PLB1: variants seen among roughly 807,000 people sequenced by gnomAD.
PLB1 encodes phospholipase B1, membrane-associated.
Under a neutral mutation model 227.4 loss-of-function variants are expected in PLB1, and 242 were observed. That is an observed-to-expected ratio of 1.06 (90% CI 0.96 to 1.18). The LOEUF is 1.18. PLB1 is among the 50% of genes most tolerant of loss of function. PLB1 has a pLI of 0.00. For missense variants in PLB1, 1,858 were observed against 1,816.3 expected, an observed-to-expected ratio of 1.02 and a Z score of -0.42; for synonymous variants, 757 against 682.2, an observed-to-expected ratio of 1.11 and a Z score of -1.71.
At position 28,643,639 on chromosome 2, in the gene PLB1, G is replaced by GTGAT. The variant is rs763498704; in HGVS notation, c.*579_*582dup. 4 of 152,278 alleles carry GTGAT rather than the reference G, an allele frequency of 2.6e-5. No individual in the cohort carries two copies. The highest frequency in any genetic ancestry group is 4.4e-5 in the Non-Finnish European group (3 of 68,074). 9.4% of individuals were successfully genotyped at this position (152,278 alleles called of 1,614,324 possible). ...ACTCCTTCAATAACCAAGAAGCCAC[G>GTGAT]TGATGATGTGTAACTACTAGGGCAT... On this transcript the variant is annotated 3_prime_UTR_variant, in exon 58 of 58. Coordinates refer to ENST00000327757, the MANE Select transcript of PLB1 (RefSeq NM_153021.5).
chr2:28,565,668 T>C (rs1397868898), intron 19 of PLB1, among the ~76,000 whole-genome samples: 6 of 152,192 alleles, frequency 3.9e-5, no homozygotes, highest in African/African-American at 1.2e-4. Context: ...GCCTGAGTGA[T>C]GCACAGATCA....
chr2:28,505,630 A>G (rs927323796), intron 1 of PLB1, among the ~76,000 whole-genome samples: 1 of 152,250 alleles, frequency 6.6e-6, no homozygotes, highest in Non-Finnish European at 1.5e-5. Flanking sequence ...ATACCTTTTC[A>G]TTACTAAAAC....
intron 25 of PLB1, chr2:28,585,477 A>G: frequency 3.2e-6 from 1 of 317,126 alleles, no homozygotes; most frequent in Non-Finnish European, 6.1e-6. Flanking sequence ...GGGTTTCGCT[A>G]TGTCAGCCAG....
chr2:28,500,479 ACTT>A (rs1209887814), intron 1 of PLB1, among the ~76,000 whole-genome samples: 2 of 152,136 alleles, frequency 1.3e-5, no homozygotes, highest in East Asian at 1.9e-4. Flanking sequence ...ATCCATTGAT[ACTT>A]CTTGCCTAAA....
chr2:28,546,901 C>A (rs192118659), intron 14 of PLB1, among the ~76,000 whole-genome samples: 42 of 152,052 alleles, frequency 2.8e-4, no homozygotes, highest in Non-Finnish European at 4.7e-4. Flanking sequence ...GGATTAAATT[C>A]TTGAAAGGTT....
intron 1 of PLB1, among the ~76,000 whole-genome samples, chr2:28,510,641 T>TTTG: frequency 6.7e-6 from 1 of 148,812 alleles, no homozygotes; most frequent in East Asian, 2.0e-4. Flanking sequence ...TTTTTTTTTT[T>TTTG]GAGATGGAGT....
intron 1 of PLB1, among the ~76,000 whole-genome samples, chr2:28,500,326 A>G (rs532657759): frequency 2.0e-4 from 30 of 152,222 alleles, no homozygotes; most frequent in Non-Finnish European, 3.7e-4. Context: ...CTAGTTGGTG[A>G]TGCCAAATTT....
At chr2:28,638,785 A>G (rs1476276007) in intron 56 of PLB1, among the ~76,000 whole-genome samples, 1 of 150,218 alleles carries the variant, frequency 6.7e-6, no homozygotes, top group Admixed American at 6.6e-5. Flanking sequence ...GTATCAGGAT[A>G]CAGAAGTTTG....
At chr2:28,619,519 GTTTT>G (rs112831277) in intron 46 of PLB1, among the ~76,000 whole-genome samples, 21,540 of 124,552 alleles carry the variant, frequency 0.17, 2,066 homozygotes, top group East Asian at 0.51. Context: ...AAATTTCAAG[GTTTT>G]GTTTTTTTTT....
At chr2:28,522,174 G>A (rs1170177936) in intron 4 of PLB1, among the ~76,000 whole-genome samples, 1 of 151,878 alleles carries the variant, frequency 6.6e-6, no homozygotes, top group Non-Finnish European at 1.5e-5. Flanking sequence ...TTGAGCACTG[G>A]ATGAAGCTGG....
chr2:28,566,655 C>A, intron 19 of PLB1, 141 bp from the exon 20 acceptor site: 3 of 875,404 alleles, frequency 3.4e-6, no homozygotes, highest in Admixed American at 2.1e-5. Flanking sequence ...TTCCGTTTTT[C>A]TACTGAAGTG....
rs560466891 is a variant in PLB1, at chr2:28,555,321, T to C, written c.1147+2330T>C. Among the ~76,000 whole-genome samples the C allele has an allele frequency of 2.9e-4, 44 of 152,248 alleles. No individual in the cohort carries two copies. In the South Asian group the frequency reaches 8.9e-3, roughly 31 times the overall value. Reference sequence around the variant, plus strand: ...CATGCCCAGCTAATTTTTGTATTTTTTGTAGAGACAGGGTTTCGCCATGTT... The same window carrying C: ...CATGCCCAGCTAATTTTTGTATTTTCTGTAGAGACAGGGTTTCGCCATGTT... On this transcript the variant is annotated intron_variant, in intron 17 of 57. Coordinates refer to ENST00000327757, the MANE Select transcript of PLB1 (RefSeq NM_153021.5).
chr2:28,597,331 G>A (rs1401452421), intron 33 of PLB1, among the ~76,000 whole-genome samples: 1 of 150,490 alleles, frequency 6.6e-6, no homozygotes, highest in Non-Finnish European at 1.5e-5. Flanking sequence ...AAGAGACACA[G>A]AAGAAAAAGA....
chr2:28,630,363 C>G (rs997196901), intron 53 of PLB1, among the ~76,000 whole-genome samples: 1 of 152,202 alleles, frequency 6.6e-6, no homozygotes, highest in Non-Finnish European at 1.5e-5. Context: ...CAATCATCCT[C>G]TGGACCTCAG....
At chr2:28,633,343 A>G (rs1328610027) in intron 56 of PLB1, 2 of 379,096 alleles carry the variant, frequency 5.3e-6, no homozygotes, top group Non-Finnish European at 9.7e-6. Flanking sequence ...GAAAATACCA[A>G]CTTCTACCTC....
Position 28,589,345 on chromosome 2 carries a change from C to T in PLB1, c.1816-105C>T, listed in dbSNP as rs1681467177. The T allele has an allele frequency of 4.7e-6, 4 of 843,676 alleles. No homozygotes were observed. The East Asian group carries it at 1.0e-4, about 21-fold the overall frequency. 52.3% of individuals were successfully genotyped at this position (843,676 alleles called of 1,614,324 possible). On this transcript the variant is annotated intron_variant, in intron 26 of 57. Coordinates refer to ENST00000327757, the MANE Select transcript of PLB1 (RefSeq NM_153021.5). ...GATTTTGCACCAGGTTGATTTCACTCAACAGTCAGATTCTGTTTAATTCTG... is the reference window on the plus strand; with the variant it reads ...GATTTTGCACCAGGTTGATTTCACTTAACAGTCAGATTCTGTTTAATTCTG...
chr2:28,636,029 ATGTG>A lies in PLB1; in HGVS notation c.4098+3000_4098+3003del, dbSNP rs1216850755. ...TGTATGTATGTATGAATGTGTGTGT[ATGTG>A]TGTGTGTGTATGTATGTGTATGTGT... On this transcript the variant is annotated intron_variant, in intron 56 of 57. Transcript: ENST00000327757. Among the ~76,000 whole-genome samples the A allele has an allele frequency of 3.8e-4, 31 of 81,340 alleles. No homozygotes were observed. The South Asian group carries it at 0.011, about 28-fold the overall frequency. The allele number at this position is 81,340 out of a possible 152,430, so 53.4% of individuals were successfully genotyped here.
At chr2:28,521,552 A>G (rs1195463624) in intron 4 of PLB1, among the ~76,000 whole-genome samples, 2 of 152,174 alleles carry the variant, frequency 1.3e-5, no homozygotes, top group African/African-American at 2.4e-5. Context: ...GATGATTAGT[A>G]TGTTGAACAT....
At chr2:28,526,959 A>C (rs1184744789) in intron 6 of PLB1, among the ~76,000 whole-genome samples, 1 of 152,144 alleles carries the variant, frequency 6.6e-6, no homozygotes, top group African/African-American at 2.4e-5. Flanking sequence ...TGGTGGCCAA[A>C]GCGGTAGGCA....
Sources: gnomAD v4.1 joint callset for allele counts (sites outside exome capture counted in the v4.1 genomes callset) on GRCh38, gnomAD v4.1.1 for gene constraint, MANE v1.5 for transcripts, NCBI Gene and HGNC (gene_info 2026-07-23, HGNC 2026-07-21) for gene names.